The following SIPA1L3 variants were observed in gnomAD, a reference collection of about 807,000 sequenced individuals.
SIPA1L3 encodes signal-induced proliferation-associated 1-like protein 3.
SIPA1L3 carries 59 observed loss-of-function variants against 150.1 expected under a neutral mutation model. That is an observed-to-expected ratio of 0.39 (90% CI 0.32 to 0.49). The LOEUF (loss-of-function observed/expected upper bound fraction) is 0.49, where lower values mean the gene tolerates loss of function less well. Among genes scored for constraint, SIPA1L3 ranks in the 20% least tolerant of loss-of-function variants. SIPA1L3 has a pLI of 0.86. For missense variants in SIPA1L3, 2,211 were observed against 2,489.5 expected, an observed-to-expected ratio of 0.89 and a Z score of 2.38; for synonymous variants, 1,070 against 1,077.6, an observed-to-expected ratio of 0.99 and a Z score of 0.14.
At chr19:38,062,118 G>T (rs1209676040) in intron 2 of SIPA1L3, among the ~76,000 whole-genome samples, 3 of 151,882 alleles carry the variant, frequency 2.0e-5, no homozygotes, top group Admixed American at 6.6e-5. Flanking sequence ...GGATCATCTT[G>T]CTGGATCTAC....
chr19:38,094,224 TCTGA>T (rs1970327607), intron 4 of SIPA1L3, among the ~76,000 whole-genome samples: 1 of 152,140 alleles, frequency 6.6e-6, no homozygotes, highest in South Asian at 2.1e-4. Flanking sequence ...AATAGGTACA[TCTGA>T]CTGTGTGTGT....
intron 1 of SIPA1L3, among the ~76,000 whole-genome samples, chr19:37,954,475 A>C (rs2046791379): frequency 6.6e-6 from 1 of 152,170 alleles, no homozygotes; most frequent in Admixed American, 6.5e-5. Flanking sequence ...GGGGGAGTGC[A>C]CAACAGCGGG....
At chr19:37,929,622 C>G (rs1160790195) in intron 1 of SIPA1L3, among the ~76,000 whole-genome samples, 1 of 152,108 alleles carries the variant, frequency 6.6e-6, no homozygotes. Flanking sequence ...TCACTCTGCC[C>G]AGAAACACCT....
chr19:38,182,606 C>G lies in SIPA1L3; in HGVS notation c.4296C>G (p.Pro1432=), dbSNP rs767232979. 1.2e-6 allele frequency: 2 copies of G among 1,614,230 alleles called. No individual in the cohort carries two copies. Among genetic ancestry groups the G allele is most frequent in the Non-Finnish European group, 1.7e-6 (2 of 1,180,038 alleles). ...CTCGGCCCTCCCAGCTGGCCCAGCC[C>G]AGCCCCTTTCAGCTCTCCGCCTCCG... ...ETPRPSQLAQ[P]SPFQLSASVP... The change falls in exon 16 of 22, where the codon CCC becomes CCG. Residue 1432 remains proline, a synonymous_variant. Transcript: ENST00000222345.
chr19:38,113,968 C>G (rs1970826667), intron 8 of SIPA1L3, among the ~76,000 whole-genome samples: 1 of 152,122 alleles, frequency 6.6e-6, no homozygotes, highest in Non-Finnish European at 1.5e-5. Flanking sequence ...TGTGGACTCT[C>G]AAAACCCAGT....
chr19:38,090,977 C>G (rs1224359085), intron 4 of SIPA1L3, among the ~76,000 whole-genome samples: 1 of 152,224 alleles, frequency 6.6e-6, no homozygotes, highest in African/African-American at 2.4e-5. Context: ...CCTCTACCCA[C>G]CTTTCTGGCC....
chr19:38,142,477 C>A, intron 11 of SIPA1L3, 96 bp from the exon 12 acceptor site: 1 of 1,378,416 alleles, frequency 7.3e-7, no homozygotes, highest in Non-Finnish European at 9.8e-7. Context: ...GTCTGTCTGT[C>A]CGTCTGTCCA....
chr19:38,035,226 A>G lies in SIPA1L3; in HGVS notation c.-311+6070A>G, dbSNP rs555541530. 1.3e-5 allele frequency among the ~76,000 whole-genome samples: 2 copies of G among 152,252 alleles called. 1 individual carries two copies. The highest frequency in any genetic ancestry group is 3.9e-4 in the East Asian group (2 of 5,176). The stretch of plus-strand genomic sequence containing the variant: ...CTCTCACGACAGCTCTCCTTTCTGA[A>G]CTTCTGTTTCCCTCCTCAGTAAAAT... On this transcript the variant is annotated intron_variant, in intron 2 of 21. Transcript: ENST00000222345.
chr19:37,955,868 A>G (rs901945141), intron 1 of SIPA1L3, among the ~76,000 whole-genome samples: 1 of 152,182 alleles, frequency 6.6e-6, no homozygotes, highest in African/African-American at 2.4e-5. Flanking sequence ...ATAGACATTT[A>G]TGTTCAGGTC....
Position 38,164,882 on chromosome 19 carries a change from G to A in SIPA1L3, c.4184G>A (p.Ser1395Asn). 6.4e-7 allele frequency: 1 copy of A among 1,554,932 alleles called. No homozygotes were observed. Among genetic ancestry groups the A allele is most frequent in the Admixed American group, 1.8e-5 (1 of 55,110 alleles). The change falls in exon 15 of 22, where the codon AGC becomes AAC. Residue 1395 changes from serine (S) to asparagine (N), a missense_variant. By Grantham distance (46) the Ser-to-Asn change is conservative. This residue lies in a region of SIPA1L3 where 806 missense variants were observed against 870.1 expected (regional missense o/e 0.93). Transcript: ENST00000222345. The surrounding 1 kb of genome is among the most constrained non-coding windows in gnomAD (Gnocchi z 4.1). ...ACCCCCACGGGACTGGCGGGGGGCA[G>A]CCGAGACCCACCGAGGCAGCCCAGG... ...SSTPTGLAGG[S>N]RDPPRQPSDM... is the part of the protein sequence containing the mutation.
intron 1 of SIPA1L3, among the ~76,000 whole-genome samples, chr19:37,989,320 A>T (rs1039080362): frequency 1.3e-5 from 2 of 152,040 alleles, no homozygotes; most frequent in African/African-American, 4.8e-5. Flanking sequence ...GCTGAACTCA[A>T]ACCATCCTCC....
At chr19:37,914,596 CAA>C (rs1244762988) in intron 1 of SIPA1L3, among the ~76,000 whole-genome samples, 1 of 152,006 alleles carries the variant, frequency 6.6e-6, no homozygotes, top group Non-Finnish European at 1.5e-5. Flanking sequence ...AGGGTGGTCT[CAA>C]ACGCCTGACC....
At chr19:38,133,172 C>A (rs1196226101) in intron 10 of SIPA1L3, among the ~76,000 whole-genome samples, 1 of 152,134 alleles carries the variant, frequency 6.6e-6, no homozygotes, top group East Asian at 1.9e-4. Context: ...GCACTGCGTG[C>A]CTGGTCTCCC....
chr19:37,984,140 T>C (rs1441439908), intron 1 of SIPA1L3, among the ~76,000 whole-genome samples: 9 of 152,156 alleles, frequency 5.9e-5, no homozygotes, highest in African/African-American at 2.2e-4. Context: ...GGGAGCGCTG[T>C]GTGAGCCCTG....
intron 13 of SIPA1L3, among the ~76,000 whole-genome samples, chr19:38,156,800 G>T (rs1030360196): frequency 2.6e-5 from 4 of 152,048 alleles, no homozygotes; most frequent in Non-Finnish European, 5.9e-5. Context: ...CTCCTGCCTC[G>T]GAGACAGAGT....
At chr19:38,026,381 G>T in intron 1 of SIPA1L3, among the ~76,000 whole-genome samples, 1 of 152,100 alleles carries the variant, frequency 6.6e-6, no homozygotes, top group East Asian at 1.9e-4. Context: ...TGGTGGCAGG[G>T]TCACCCCGGG....
intron 8 of SIPA1L3, among the ~76,000 whole-genome samples, chr19:38,118,239 C>T (rs1010622820): frequency 6.6e-5 from 10 of 152,072 alleles, no homozygotes; most frequent in African/African-American, 1.9e-4. Context: ...CAGTGACAAA[C>T]GTTAATGTTT....
chr19:38,067,428 T>G (rs1256016265), intron 2 of SIPA1L3, among the ~76,000 whole-genome samples: 1 of 152,038 alleles, frequency 6.6e-6, no homozygotes, highest in Non-Finnish European at 1.5e-5. Flanking sequence ...TGGGTAGGAA[T>G]TTGGGCTCCT....
At chr19:37,947,480 C>T (rs1032887103) in intron 1 of SIPA1L3, among the ~76,000 whole-genome samples, 1 of 149,504 alleles carries the variant, frequency 6.7e-6, no homozygotes, top group African/African-American at 2.5e-5. Context: ...CAGAGTGAGA[C>T]TCCATATCAA....
Sources: allele counts gnomAD v4.1 joint callset (sites outside exome capture counted in the v4.1 genomes callset), GRCh38; gene constraint gnomAD v4.1.1; regional missense constraint gnomAD v4.1.1; non-coding constraint Gnocchi (gnomAD v3.1); transcripts MANE v1.5; gene names NCBI Gene and HGNC (gene_info 2026-07-23, HGNC 2026-07-21).